Variants in ROCK1 observed in about 807,000 individuals in gnomAD.
The protein encoded by ROCK1 is Rho associated coiled-coil containing protein kinase 1.
Under a neutral mutation model 196.8 loss-of-function variants are expected in ROCK1, and 36 were observed. That is an observed-to-expected ratio of 0.18 (90% CI 0.14 to 0.24). ROCK1 has a LOEUF of 0.24. ROCK1 is among the 10% of genes least tolerant of loss of function. The pLI is 1.00. For synonymous variants in ROCK1, 443 were observed against 515.9 expected, an observed-to-expected ratio of 0.86 and a Z score of 1.91; for missense variants, 920 against 1,562.0, an observed-to-expected ratio of 0.59 and a Z score of 6.93.
intron 13 of ROCK1, among the ~76,000 whole-genome samples, chr18:21,013,826 G>C (rs2143450313): frequency 6.6e-6 from 1 of 152,216 alleles, no homozygotes; most frequent in East Asian, 1.9e-4. Context: ...CACTTTGGGA[G>C]GCCAAGGCGG....
intron 1 of ROCK1, among the ~76,000 whole-genome samples, chr18:21,097,576 T>G (rs1466181959): frequency 6.6e-6 from 1 of 152,238 alleles, no homozygotes; most frequent in African/African-American, 2.4e-5. Context: ...TTAGGTAACT[T>G]GTCCAAGATT....
intron 1 of ROCK1, among the ~76,000 whole-genome samples, chr18:21,071,127 T>C (rs1162238157): frequency 6.6e-6 from 1 of 151,954 alleles, no homozygotes; most frequent in Non-Finnish European, 1.5e-5. Flanking sequence ...TTTGAGGCAC[T>C]TTCTAGGGAA....
At chr18:21,026,606 A>G (rs974635233) in intron 10 of ROCK1, among the ~76,000 whole-genome samples, 49 of 152,284 alleles carry the variant, frequency 3.2e-4, no homozygotes, top group Admixed American at 2.1e-3. Flanking sequence ...GTTGCAACAA[A>G]AAGTATTAAG....
chr18:21,052,585 C>T (rs1468396718), intron 2 of ROCK1, among the ~76,000 whole-genome samples: 1 of 152,106 alleles, frequency 6.6e-6, no homozygotes, highest in Non-Finnish European at 1.5e-5. Context: ...CTGGGCCACA[C>T]AGCATGAGGT....
At position 20,960,223 on chromosome 18, in the gene ROCK1, A is replaced by G. The variant is rs1435933018; in HGVS notation, c.3353-17T>C. ...TTCTTGACTCTAGGAGAAAAAGAAT[A>G]TATGTATTAGTCAGTCTTAAATTGT... is the stretch of plus-strand genomic sequence containing the variant. On this transcript the variant is annotated splice_polypyrimidine_tract_variant and intron_variant, in intron 27 of 32. Coordinates refer to ENST00000399799, the MANE Select transcript of ROCK1 (RefSeq NM_005406.3). 7 of 1,410,934 alleles carry G rather than the reference A, an allele frequency of 5.0e-6. No homozygotes were observed. The highest frequency in any genetic ancestry group is 2.3e-5 in the East Asian group (1 of 43,836). 87.4% of individuals were successfully genotyped at this position (1,410,934 alleles called of 1,614,324 possible).
At chr18:21,068,449 G>A (rs1428858278) in intron 2 of ROCK1, among the ~76,000 whole-genome samples, 4 of 152,152 alleles carry the variant, frequency 2.6e-5, no homozygotes, top group Non-Finnish European at 5.9e-5. Flanking sequence ...TGTTTTGGCT[G>A]TTCCAGGTCC....
At chr18:21,070,815 T>A (rs905047542) in intron 1 of ROCK1, among the ~76,000 whole-genome samples, 2 of 152,224 alleles carry the variant, frequency 1.3e-5, no homozygotes, top group Non-Finnish European at 2.9e-5. Flanking sequence ...CTTCTAAGTC[T>A]GCCAGGCCCA....
At chr18:21,065,754 A>T (rs1337620763) in intron 2 of ROCK1, among the ~76,000 whole-genome samples, 1 of 152,190 alleles carries the variant, frequency 6.6e-6, no homozygotes, top group African/African-American at 2.4e-5. Flanking sequence ...GCTGATAAAC[A>T]TCTTCTTTGC....
At chr18:21,078,373 C>CAGAGAGAG (rs796701748) in intron 1 of ROCK1, among the ~76,000 whole-genome samples, 2 of 66,118 alleles carry the variant, frequency 3.0e-5, no homozygotes, top group African/African-American at 7.1e-5. Flanking sequence ...CACACACACA[C>CAGAGAGAG]AGAGAGAGAG....
chr18:21,069,121 G>A (rs1261365007), intron 2 of ROCK1, among the ~76,000 whole-genome samples: 1 of 152,104 alleles, frequency 6.6e-6, no homozygotes, highest in African/African-American at 2.4e-5. Context: ...ATTGGGGAAA[G>A]GAAGCTTCCT....
At chr18:21,070,326 A>G (rs2036373153) in intron 2 of ROCK1, among the ~76,000 whole-genome samples, 2 of 152,094 alleles carry the variant, frequency 1.3e-5, no homozygotes, top group Non-Finnish European at 2.9e-5. Flanking sequence ...TATTTTAACT[A>G]TTTTTCATCC....
chr18:21,091,958 C>A (rs1041385874), intron 1 of ROCK1, among the ~76,000 whole-genome samples: 2 of 151,784 alleles, frequency 1.3e-5, no homozygotes, highest in African/African-American at 4.8e-5. Context: ...CCAGCCTGGG[C>A]AACAGAGCGA....
intron 9 of ROCK1, among the ~76,000 whole-genome samples, chr18:21,032,682 G>A (rs2036019530): frequency 1.4e-5 from 2 of 142,916 alleles, no homozygotes; most frequent in African/African-American, 5.8e-5. Flanking sequence ...ACCATGCCTG[G>A]CTATTTTTTT....
chr18:21,059,392 C>A (rs894038843), intron 2 of ROCK1, among the ~76,000 whole-genome samples: 2 of 152,202 alleles, frequency 1.3e-5, no homozygotes, highest in African/African-American at 4.8e-5. Context: ...TTTCACCTAA[C>A]AATCTGAACT....
chr18:21,022,464 CTCT>C (rs1475001301), intron 11 of ROCK1, among the ~76,000 whole-genome samples: 1 of 152,150 alleles, frequency 6.6e-6, no homozygotes, highest in Non-Finnish European at 1.5e-5. Flanking sequence ...TCATCCTCTG[CTCT>C]TCTTTGCCTT....
At chr18:21,103,634 G>A (rs1000794824) in intron 1 of ROCK1, among the ~76,000 whole-genome samples, 1 of 151,648 alleles carries the variant, frequency 6.6e-6, no homozygotes, top group East Asian at 1.9e-4. Flanking sequence ...TTGTAGAGCC[G>A]AGGTCCCTCT....
rs1195942198 is a variant in ROCK1 at position 20,957,795 on chromosome 18, T to C, written c.3512+2045A>G. 6.6e-5 allele frequency among the ~76,000 whole-genome samples: 10 copies of C among 152,046 alleles called. No homozygotes were observed. In the South Asian group the frequency reaches 1.5e-3, roughly 22 times the overall value. On this transcript the variant is annotated intron_variant, in intron 29 of 32. Transcript: ENST00000399799. The stretch of plus-strand genomic sequence containing the variant: ...CACCACAACTGGCCCAAGTGAGCTT[T>C]CTTCATAAATTAAAAAAAAAAAAAA...
intron 22 of ROCK1, among the ~76,000 whole-genome samples, chr18:20,972,421 G>A (rs1319822380): frequency 6.6e-6 from 1 of 152,106 alleles, no homozygotes; most frequent in Non-Finnish European, 1.5e-5. Flanking sequence ...AGCTGGATAC[G>A]TAAGTCTGGA....
chr18:21,028,552 T>C (rs1404594803), intron 10 of ROCK1, among the ~76,000 whole-genome samples: 1 of 152,168 alleles, frequency 6.6e-6, no homozygotes, highest in East Asian at 1.9e-4. Context: ...CTTGAGGATA[T>C]ATAGTATATC....
Sources: allele counts gnomAD v4.1 joint callset (sites outside exome capture counted in the v4.1 genomes callset), GRCh38; gene constraint gnomAD v4.1.1; transcripts MANE v1.5; gene names NCBI Gene and HGNC (gene_info 2026-07-23, HGNC 2026-07-21).